SUCLG2: variants seen among roughly 807,000 people sequenced by gnomAD.
SUCLG2 encodes succinate-CoA ligase GDP-forming subunit beta.
A neutral mutation model predicts 47.9 loss-of-function variants in SUCLG2; 42 were observed. The ratio of observed to expected loss-of-function variants is 0.88; its 90% CI spans 0.69 to 1.14. The LOEUF (loss-of-function observed/expected upper bound fraction) is 1.14. Ranked by LOEUF, SUCLG2 falls within the 50% of genes most tolerant of loss-of-function variation. The pLI is 0.00. For missense variants in SUCLG2, 571 were observed against 525.9 expected (o/e 1.09, Z -0.84); for synonymous variants, 195 against 197.3 (o/e 0.99, Z 0.10).
chr3:67,574,263 A>C (rs1707689166), intron 2 of SUCLG2, among the ~76,000 whole-genome samples: 1 of 152,198 alleles, frequency 6.6e-6, no homozygotes, highest in Non-Finnish European at 1.5e-5. Flanking sequence ...ACTTGTTAAG[A>C]CATCTACAAA....
rs1352687203 is a variant in SUCLG2 at position 67,374,992 on chromosome 3, T to G, written c.*752A>C. 1 of 985,688 alleles carries G rather than the reference T, an allele frequency of 1.0e-6. No homozygotes were observed. The highest frequency in any genetic ancestry group is 1.2e-6 in the Non-Finnish European group (1 of 829,928). The allele number at this position is 985,688 out of a possible 1,614,324, so 61.1% of individuals were successfully genotyped here. On this transcript the variant is annotated 3_prime_UTR_variant, in exon 11 of 11. Transcript: ENST00000307227. Reference sequence around the variant, plus strand: ...CTTGAAATATCTTAATAACAGAGATTTCCATAAGAATCAGGATTCATTTTT... The same window carrying G: ...CTTGAAATATCTTAATAACAGAGATGTCCATAAGAATCAGGATTCATTTTT...
intron 2 of SUCLG2, among the ~76,000 whole-genome samples, chr3:67,578,264 T>C (rs1035782851): frequency 4.3e-5 from 6 of 139,076 alleles, no homozygotes; most frequent in African/African-American, 1.5e-4. Context: ...TAAAAAAATT[T>C]TATATATATA....
intron 9 of SUCLG2, among the ~76,000 whole-genome samples, chr3:67,450,331 CA>C (rs1370336407): frequency 6.6e-6 from 1 of 152,150 alleles, no homozygotes; most frequent in African/African-American, 2.4e-5. Context: ...CTCAAGCTAC[CA>C]AACCTGGGAA....
intron 2 of SUCLG2, among the ~76,000 whole-genome samples, chr3:67,580,933 T>G (rs1194502239): frequency 6.6e-6 from 1 of 152,210 alleles, no homozygotes; most frequent in South Asian, 2.1e-4. Flanking sequence ...AATGGGTATA[T>G]GAACAGGAAG....
chr3:67,555,608 T>G (rs1429512177), intron 2 of SUCLG2, among the ~76,000 whole-genome samples: 2 of 151,972 alleles, frequency 1.3e-5, no homozygotes, highest in Non-Finnish European at 2.9e-5. Context: ...AGTAAGGAAG[T>G]GGTTAAAGAA....
chr3:67,464,354 G>A (rs1473970555), intron 9 of SUCLG2, among the ~76,000 whole-genome samples: 1 of 152,204 alleles, frequency 6.6e-6, no homozygotes, highest in Non-Finnish European at 1.5e-5. Flanking sequence ...ACAAGCGTGT[G>A]TATGCATCCT....
chr3:67,581,524 A>AATTCAATC (rs1422872010), intron 2 of SUCLG2, among the ~76,000 whole-genome samples: 2 of 152,232 alleles, frequency 1.3e-5, no homozygotes, highest in Non-Finnish European at 2.9e-5. Context: ...TCTTTGCTTT[A>AATTCAATC]ATTCAATCAG....
chr3:67,576,204 C>T (rs779594122), intron 2 of SUCLG2, among the ~76,000 whole-genome samples: 1 of 152,178 alleles, frequency 6.6e-6, no homozygotes, highest in Non-Finnish European at 1.5e-5. Flanking sequence ...ACAGATAACA[C>T]AGGTCAACAC....
chr3:67,565,117 T>C (rs554749491), intron 2 of SUCLG2, among the ~76,000 whole-genome samples: 19 of 152,278 alleles, frequency 1.2e-4, no homozygotes, highest in African/African-American at 4.3e-4. Context: ...GGGAAACACA[T>C]TAAATATGTG....
intron 1 of SUCLG2, among the ~76,000 whole-genome samples, chr3:67,643,046 C>A (rs73836546): frequency 0.085 from 12,855 of 152,064 alleles, 693 homozygotes; most frequent in African/African-American, 0.14. Flanking sequence ...GCATCTGCCA[C>A]CTGTGACACG....
chr3:67,630,103 G>A lies in SUCLG2; in HGVS notation c.85-20507C>T, dbSNP rs531029234. Among the ~76,000 whole-genome samples the A allele has an allele frequency of 2.0e-5, 3 of 151,860 alleles. No homozygotes were observed. The South Asian group carries it at 6.2e-4, about 32-fold the overall frequency. On this transcript the variant is annotated intron_variant, in intron 1 of 10. Transcript: ENST00000307227. ...AACTTTTCAGAGAAATGTATTATGA[G>A]GATACAAGGTACTGTACACTCTATT...
intron 9 of SUCLG2, among the ~76,000 whole-genome samples, chr3:67,406,475 C>G (rs1702813126): frequency 6.6e-6 from 1 of 152,124 alleles, no homozygotes; most frequent in Admixed American, 6.5e-5. Flanking sequence ...GGGAGGGCCT[C>G]TCATAGGCAG....
At chr3:67,454,902 T>C (rs1020906660) in intron 9 of SUCLG2, among the ~76,000 whole-genome samples, 4 of 144,708 alleles carry the variant, frequency 2.8e-5, no homozygotes, top group Non-Finnish European at 5.9e-5. Context: ...GTGGAGCTTG[T>C]AGTGAGCAGA....
At chr3:67,546,195 T>C (rs115949833) in intron 2 of SUCLG2, among the ~76,000 whole-genome samples, 1 of 152,288 alleles carries the variant, frequency 6.6e-6, no homozygotes, top group East Asian at 1.9e-4. Flanking sequence ...TTTTACTTCT[T>C]GGAGTAAAAG....
At chr3:67,512,895 A>T (rs965729068) in intron 6 of SUCLG2, among the ~76,000 whole-genome samples, 3 of 150,248 alleles carry the variant, frequency 2.0e-5, no homozygotes, top group Non-Finnish European at 4.4e-5. Flanking sequence ...ATATATATAT[A>T]TTTTCACACA....
At chr3:67,533,145 T>C (rs1034143747) in intron 2 of SUCLG2, among the ~76,000 whole-genome samples, 9 of 152,238 alleles carry the variant, frequency 5.9e-5, no homozygotes, top group East Asian at 1.9e-4. Flanking sequence ...ATAGGAATCA[T>C]AGTAAATGTC....
chr3:67,627,981 G>A (rs1700863668), intron 1 of SUCLG2, among the ~76,000 whole-genome samples: 1 of 152,176 alleles, frequency 6.6e-6, no homozygotes, highest in African/African-American at 2.4e-5. Flanking sequence ...CTCTGTTTTA[G>A]TTAGTGGTGG....
chr3:67,628,081 T>G (rs1700865337), intron 1 of SUCLG2, among the ~76,000 whole-genome samples: 1 of 152,346 alleles, frequency 6.6e-6, no homozygotes, highest in South Asian at 2.1e-4. Flanking sequence ...ATAATGGGCA[T>G]AGTCTCTATC....
Position 67,654,504 on chromosome 3 carries a change from T to A in SUCLG2, c.83A>T (p.Gln28Leu). 3.2e-6 allele frequency: 4 copies of A among 1,239,622 alleles called. No homozygotes were observed. The highest frequency in any genetic ancestry group is 3.0e-4 in the Middle Eastern group (1 of 3,294). 76.8% of individuals were successfully genotyped at this position (1,239,622 alleles called of 1,614,324 possible). Residue 28 changes from glutamine (Q) to leucine (L), a missense_variant and splice_region_variant, in exon 1 of 11, where the codon CAG becomes CTG. Coordinates refer to ENST00000307227, the MANE Select transcript of SUCLG2 (RefSeq NM_003848.4). Reference sequence around the variant, plus strand: ...CGCAGCTCCTGCCCCCACGCTCACCTGGGACCCGGCCGCCAGGAAGCGGGG... The same window carrying A: ...CGCAGCTCCTGCCCCCACGCTCACCAGGGACCCGGCCGCCAGGAAGCGGGG... Reference protein sequence around the residue: ...LRPRFLAAGSQAVQLTSRRWL... With the variant: ...LRPRFLAAGSLAVQLTSRRWL...
Sources: gnomAD v4.1 joint callset for allele counts (sites outside exome capture counted in the v4.1 genomes callset) on GRCh38, gnomAD v4.1.1 for gene constraint, MANE v1.5 for transcripts, NCBI Gene and HGNC (gene_info 2026-07-23, HGNC 2026-07-21) for gene names.